SLC22A15: variants seen among roughly 807,000 people sequenced by gnomAD.
The protein encoded by SLC22A15 is flipt 1.
SLC22A15 carries 45 observed loss-of-function variants against 62.7 expected under a neutral mutation model. The ratio of observed to expected loss-of-function variants is 0.72; its 90% confidence interval spans 0.56 to 0.92. SLC22A15 has a LOEUF of 0.92. Ranked by LOEUF, SLC22A15 falls within the 40% of genes least tolerant of loss-of-function variation. The pLI is 0.00. For missense variants in SLC22A15, 622 were observed against 665.6 expected, an observed-to-expected ratio of 0.93 and a Z score of 0.72; for synonymous variants, 264 against 267.0, an observed-to-expected ratio of 0.99 and a Z score of 0.11.
intron 2 of SLC22A15, among the ~76,000 whole-genome samples, chr1:116,011,132 G>A (rs1164762842): frequency 1.3e-5 from 2 of 152,228 alleles, no homozygotes; most frequent in Non-Finnish European, 2.9e-5. Flanking sequence ...AGCCAGCTGA[G>A]GGGCTAGGTA....
rs180759674 is a variant in SLC22A15, at chr1:116,058,031, C to T, written c.1172-4731C>T. 2.4e-3 allele frequency among the ~76,000 whole-genome samples: 360 copies of T among 150,026 alleles called. 2 individuals carry two copies. Among genetic ancestry groups the T allele is most frequent in the African/African-American group, 8.3e-3 (340 of 41,150 alleles). On this transcript the variant is annotated intron_variant, in intron 8 of 11. Coordinates refer to ENST00000369503, the MANE Select transcript of SLC22A15 (RefSeq NM_018420.3). ...ATGTAACTAACCTGCACATTGTGCA[C>T]ATGTACCCTAAAACTTAAAGTATAA...
chr1:116,047,532 C>A (rs184303363), intron 8 of SLC22A15, among the ~76,000 whole-genome samples: 152 of 152,312 alleles, frequency 1.0e-3, no homozygotes, highest in African/African-American at 3.4e-3. Context: ...GGCTGAGAGA[C>A]CCATAGACAG....
rs1658412912 is a variant in SLC22A15 at position 116,062,767 on chromosome 1, G to A, written c.1177G>A (p.Gly393Ser). 2 of 1,613,752 alleles carry A rather than the reference G, an allele frequency of 1.2e-6. No homozygotes were observed. Among genetic ancestry groups the A allele is most frequent in the Admixed American group, 3.3e-5 (2 of 60,000 alleles). Residue 393 changes from glycine to serine, a missense_variant, in exon 9 of 12, where the codon GGT becomes AGT. Coordinates refer to ENST00000369503, the MANE Select transcript of SLC22A15 (RefSeq NM_018420.3). The stretch of plus-strand genomic sequence containing the variant: ...ATTGCCCTTGTCCTCCTCAGACACA[G>A]GTGTGTTTGCAGTGGTGAACAGCCA... ...VMFLPEKKDT[G>S]VFAVVNSHSL... is the part of the protein sequence containing the mutation.
intron 4 of SLC22A15, 120 bp from the exon 5 acceptor site, chr1:116,026,773 T>TATCATTAAAAAA: frequency 8.4e-7 from 1 of 1,196,988 alleles, no homozygotes; most frequent in East Asian, 2.4e-5. Flanking sequence ...GTGTGCCTCT[T>TATCATTAAAAAA]ATAGTTGCCA....
At chr1:116,008,919 G>A (rs1160472980) in intron 2 of SLC22A15, among the ~76,000 whole-genome samples, 1 of 152,152 alleles carries the variant, frequency 6.6e-6, no homozygotes, top group Non-Finnish European at 1.5e-5. Context: ...ATGTGTGTCA[G>A]ACTCATGAGG....
chr1:116,023,371 T>C (rs1297700170), intron 4 of SLC22A15, among the ~76,000 whole-genome samples: 2 of 152,212 alleles, frequency 1.3e-5, no homozygotes, highest in East Asian at 3.8e-4. Context: ...TATATTAATG[T>C]CTTCATATAA....
intron 4 of SLC22A15, among the ~76,000 whole-genome samples, chr1:116,021,103 G>A (rs1656812367): frequency 6.6e-6 from 1 of 152,190 alleles, no homozygotes; most frequent in Admixed American, 6.5e-5. Flanking sequence ...CCTCACATGT[G>A]AGCTTGCCAT....
chr1:116,034,178 C>A (rs1466693196), intron 6 of SLC22A15, among the ~76,000 whole-genome samples: 1 of 152,184 alleles, frequency 6.6e-6, no homozygotes, highest in Non-Finnish European at 1.5e-5. Flanking sequence ...ATGAACTTAA[C>A]AAAGCTTCGG....
In SLC22A15 at chr1:116,007,282, G is replaced by C. The variant is rs141751201; in HGVS notation, c.301-12300G>C. On this transcript the variant is annotated intron_variant, in intron 2 of 11. Transcript: ENST00000369503. Reference sequence around the variant, plus strand: ...CACAGTTAGATGAGATCCTCATACTGCCACCCCGTGGCACCTCCACCCTCC... The same window carrying C: ...CACAGTTAGATGAGATCCTCATACTCCCACCCCGTGGCACCTCCACCCTCC... Among the ~76,000 whole-genome samples, 13 of 152,280 alleles carry C rather than the reference G, an allele frequency of 8.5e-5. 1 individual carries two copies. The East Asian group carries it at 2.5e-3, about 30-fold the overall frequency.
Position 116,057,351 on chromosome 1 carries a change from A to G in SLC22A15, c.1172-5411A>G, listed in dbSNP as rs921582390. Among the ~76,000 whole-genome samples the G allele has an allele frequency of 4.3e-4, 65 of 152,054 alleles. No individual in the cohort carries two copies. In the South Asian group the frequency reaches 8.1e-3, roughly 19 times the overall value. Reference sequence around the variant, plus strand: ...TCAGAGAAATGCAAATCAAAACCACAATGAGATACCATCTCACACCAGTTA... The same window carrying G: ...TCAGAGAAATGCAAATCAAAACCACGATGAGATACCATCTCACACCAGTTA... On this transcript the variant is annotated intron_variant, in intron 8 of 11. Coordinates refer to ENST00000369503, the MANE Select transcript of SLC22A15 (RefSeq NM_018420.3).
At chr1:116,045,738 C>CAA (rs34360597) in intron 8 of SLC22A15, among the ~76,000 whole-genome samples, 63,739 of 101,416 alleles carry the variant, frequency 0.63, 23,928 homozygotes, top group Non-Finnish European at 0.79. Context: ...GACTCCATCT[C>CAA]AAAAAAAAAA....
chr1:116,031,897 G>A (rs1657420473), intron 6 of SLC22A15: 3 of 1,125,106 alleles, frequency 2.7e-6, no homozygotes, highest in Admixed American at 9.2e-5. Context: ...CTGCAAAAAA[G>A]GAAAGAAAGC....
At position 116,054,320 on chromosome 1, in the gene SLC22A15, A is replaced by G. The variant is rs533196000; in HGVS notation, c.1172-8442A>G. The stretch of plus-strand genomic sequence containing the variant: ...AAAGAGACAAAGAAGGCCATTACAT[A>G]ATGGTAAAGGGATCAATTCAACAAG... On this transcript the variant is annotated intron_variant, in intron 8 of 11. Transcript: ENST00000369503. Among the ~76,000 whole-genome samples, 91 of 151,964 alleles carry G rather than the reference A, an allele frequency of 6.0e-4. 1 individual carries two copies. In the East Asian group the frequency reaches 0.015, roughly 25 times the overall value.
At chr1:115,995,090 T>A (rs931138158) in intron 2 of SLC22A15, among the ~76,000 whole-genome samples, 1 of 152,200 alleles carries the variant, frequency 6.6e-6, no homozygotes, top group Non-Finnish European at 1.5e-5. Flanking sequence ...TCATTCGGTT[T>A]GGTTTTGCAT....
intron 8 of SLC22A15, among the ~76,000 whole-genome samples, chr1:116,060,535 A>G (rs1393864825): frequency 6.6e-6 from 1 of 152,312 alleles, no homozygotes; most frequent in East Asian, 1.9e-4. Flanking sequence ...TTAAAGATGT[A>G]TAGTGCCTCC....
chr1:116,058,945 G>T (rs1379897931), intron 8 of SLC22A15, among the ~76,000 whole-genome samples: 1 of 152,142 alleles, frequency 6.6e-6, no homozygotes, highest in Non-Finnish European at 1.5e-5. Context: ...TGATACAGTG[G>T]ACTTTGGGGA....
intron 8 of SLC22A15, among the ~76,000 whole-genome samples, chr1:116,062,289 A>G (rs1263835525): frequency 6.6e-6 from 1 of 152,232 alleles, no homozygotes; most frequent in Non-Finnish European, 1.5e-5. Flanking sequence ...CTTCTCAATG[A>G]AACACCAGAG....
chr1:116,057,666 A>G (rs553331507), intron 8 of SLC22A15, among the ~76,000 whole-genome samples: 1 of 152,340 alleles, frequency 6.6e-6, no homozygotes, highest in Non-Finnish European at 1.5e-5. Flanking sequence ...CCAAATATCC[A>G]ACAACGATAG....
At chr1:116,041,067 T>A (rs967890463) in intron 8 of SLC22A15, among the ~76,000 whole-genome samples, 1 of 152,214 alleles carries the variant, frequency 6.6e-6, no homozygotes, top group Non-Finnish European at 1.5e-5. Context: ...CATTGGGCTC[T>A]CATTGATGAG....
Sources: gnomAD v4.1 joint callset for allele counts (sites outside exome capture counted in the v4.1 genomes callset) on GRCh38, gnomAD v4.1.1 for gene constraint, MANE v1.5 for transcripts, NCBI Gene and HGNC (gene_info 2026-07-23, HGNC 2026-07-21) for gene names.